TGIF1: variants seen among roughly 807,000 people sequenced by gnomAD.
TGIF1 encodes homeobox protein TGIF1.
A neutral mutation model predicts 19.3 loss-of-function variants in TGIF1; 4 were observed. The ratio of observed to expected loss-of-function variants is 0.21; its 90% CI spans 0.10 to 0.47. TGIF1 has a LOEUF of 0.47. Among genes scored for constraint, TGIF1 ranks in the 20% least tolerant of loss-of-function variants. TGIF1 has a pLI of 0.98. For synonymous variants in TGIF1, 122 were observed against 129.3 expected (o/e 0.94, Z 0.38); for missense variants, 275 against 341.4 (o/e 0.81, Z 1.53).
rs910102345 is a variant in TGIF1 at position 3,456,300 on chromosome 18, C to T, written c.17-54C>T. 6 of 1,516,258 alleles carry T rather than the reference C, an allele frequency of 4.0e-6. No individual in the cohort carries two copies. Among genetic ancestry groups the T allele is most frequent in the Middle Eastern group, 2.0e-4 (1 of 5,114 alleles). 93.9% of individuals were successfully genotyped at this position (1,516,258 alleles called of 1,614,324 possible). A position where few individuals can be genotyped will look rare whatever the true frequency, so the allele number is the denominator to read the frequency against. On this transcript the variant is annotated intron_variant, in intron 1 of 2. Coordinates refer to ENST00000343820, the MANE Select transcript of TGIF1 (RefSeq NM_003244.4). This position sits in a 1 kb window ranked among gnomAD's most constrained non-coding sequence, Gnocchi z 4.2. ...AATGGTCAGCGTTAAGTGAGCTTTG[C>T]AATAGTTGCTGTGCTTATAAAGCAA...
At chr18:3,443,410 CTT>C (rs764806240) in intron 2 of TGIF1, among the ~76,000 whole-genome samples, 4 of 145,426 alleles carry the variant, frequency 2.8e-5, no homozygotes, top group African/African-American at 2.5e-5. Context: ...GATAATAATA[CTT>C]TTTTTTTTTT....
intron 1 of TGIF1, chr18:3,452,100 T>G: frequency 6.2e-7 from 1 of 1,613,862 alleles, no homozygotes; most frequent in Non-Finnish European, 8.5e-7. Flanking sequence ...TCCCCAGTGC[T>G]CCTTTTCCAC....
intron 1 of TGIF1, 142 bp downstream of exon 1, chr18:3,450,647 G>A: frequency 2.7e-6 from 4 of 1,504,522 alleles, no homozygotes; most frequent in Non-Finnish European, 3.6e-6. Context: ...TCTTTGTTGA[G>A]GCTGCGTCTG....
chr18:3,451,456 T>C lies in TGIF1; in HGVS notation c.16+951T>C, dbSNP rs2143324352. 1.0e-6 allele frequency: 1 copy of C among 987,258 alleles called. No individual in the cohort carries two copies. The highest frequency in any genetic ancestry group is 1.2e-6 in the Non-Finnish European group (1 of 831,284). The allele number at this position is 987,258 out of a possible 1,614,324, so 61.2% of individuals were successfully genotyped here. The stretch of plus-strand genomic sequence containing the variant: ...CCTGGCTGGGAGGTCCCCCGAGTGT[T>C]CCGCTGTGGGCTGGAGGTGGCGTTT... On this transcript the variant is annotated intron_variant, in intron 1 of 2. Coordinates refer to ENST00000343820, the MANE Select transcript of TGIF1 (RefSeq NM_003244.4). The surrounding 1 kb of genome is among the most constrained non-coding windows in gnomAD (Gnocchi z 5.4).
In TGIF1 at chr18:3,451,631, G is replaced by A; in HGVS notation, c.16+1126G>A. The A allele has an allele frequency of 4.5e-6, 5 of 1,108,268 alleles. 1 individual carries two copies. In the South Asian group the frequency reaches 1.3e-4, roughly 28 times the overall value. 68.7% of individuals were successfully genotyped at this position (1,108,268 alleles called of 1,614,324 possible). A position where few individuals can be genotyped will look rare whatever the true frequency, so the allele number is the denominator to read the frequency against. On this transcript the variant is annotated intron_variant, in intron 1 of 2. Coordinates refer to ENST00000343820, the MANE Select transcript of TGIF1 (RefSeq NM_003244.4). The surrounding 1 kb of genome is among the most constrained non-coding windows in gnomAD (Gnocchi z 5.4). ...CCCGGCCCGCTGCGGGGCGTTCCTG[G>A]GGGGTAGCCTCAAGGCCAGCGGGGT...
chr18:3,452,093 C>G (rs17852935), intron 1 of TGIF1: 4 of 1,614,068 alleles, frequency 2.5e-6, no homozygotes, highest in Non-Finnish European at 3.4e-6. Flanking sequence ...CCGGGAATCC[C>G]CAGTGCTCCT....
chr18:3,432,123 C>CAAAAAAAAAAAAAAAAAAAAAAAAAAAAA (rs751364681), intron 2 of TGIF1, among the ~76,000 whole-genome samples: 1 of 98,028 alleles, frequency 1.0e-5, no homozygotes, highest in Non-Finnish European at 2.0e-5. Context: ...ACAAAACTGT[C>CAAAAAAAAAAAAAAAAAAAAAAAAAAAAA]AAAAAAAAAA....
chr18:3,427,208 T>C (rs937651072), intron 2 of TGIF1, among the ~76,000 whole-genome samples: 3 of 152,082 alleles, frequency 2.0e-5, no homozygotes, highest in Non-Finnish European at 4.4e-5. Context: ...CCTCTCAAAG[T>C]GCTGGGATTA....
At chr18:3,441,962 T>G (rs775317663) in intron 2 of TGIF1, among the ~76,000 whole-genome samples, 13 of 143,136 alleles carry the variant, frequency 9.1e-5, no homozygotes, top group Non-Finnish European at 1.5e-4. Context: ...TTTCCCCAGC[T>G]GCTGTGAGGT....
chr18:3,424,026 C>T (rs373669604), intron 2 of TGIF1, among the ~76,000 whole-genome samples: 12 of 152,290 alleles, frequency 7.9e-5, no homozygotes, highest in Middle Eastern at 3.4e-3. Context: ...GTGGCGCTTC[C>T]GCAGCCCTGG....
rs1362531739 is a variant in TGIF1 at position 3,457,331 on chromosome 18, A to G, written c.244-34A>G. On this transcript the variant is annotated intron_variant, in intron 2 of 2. Transcript: ENST00000343820. This position sits in a 1 kb window ranked among gnomAD's most constrained non-coding sequence, Gnocchi z 4.9. ...TCAGAACCCGTTGGCTGAGTGAATG[A>G]GGAAAATGTTAAAGCGTACCGATAT... 1.2e-6 allele frequency: 2 copies of G among 1,610,938 alleles called. No homozygotes were observed. Among genetic ancestry groups the G allele is most frequent in the Non-Finnish European group, 1.7e-6 (2 of 1,177,670 alleles).
upstream of TGIF1, chr18:3,448,717 C>CTTTTTTTTTTTTTTTTTTTTTTTTTT (rs869086299): frequency 1.6e-5 from 4 of 244,906 alleles, no homozygotes; most frequent in African/African-American, 1.7e-4. Flanking sequence ...GCGGGGGTGT[C>CTTTTTTTTTTTTTTTTTTTTTTTTTT]TTTTTTTTTT....
At chr18:3,443,679 T>C (rs1246225927) in intron 2 of TGIF1, among the ~76,000 whole-genome samples, 4 of 151,720 alleles carry the variant, frequency 2.6e-5, no homozygotes, top group Non-Finnish European at 5.9e-5. Context: ...AAGTGAATTC[T>C]CGTGCCTCAC....
chr18:3,419,585 C>T (rs2082374664), intron 2 of TGIF1, among the ~76,000 whole-genome samples: 1 of 152,170 alleles, frequency 6.6e-6, no homozygotes, highest in Admixed American at 6.5e-5. Context: ...TGTTGATCTT[C>T]TTTATTGATA....
In TGIF1 at chr18:3,459,453, C is replaced by T. The variant is rs2049457512; in HGVS notation, c.*1513C>T. ...CTGTGGGGTGCAGCTTCGTAGGGCA[C>T]ATCAGCTTAGAATGGTCTGGCCTCA... On this transcript the variant is annotated 3_prime_UTR_variant, in exon 3 of 3. Coordinates refer to ENST00000343820, the MANE Select transcript of TGIF1 (RefSeq NM_003244.4). The T allele has an allele frequency of 6.6e-6, 1 of 152,100 alleles. No individual in the cohort carries two copies. Among genetic ancestry groups the T allele is most frequent in the Admixed American group, 6.6e-5 (1 of 15,264 alleles). The allele number at this position is 152,100 out of a possible 1,614,324, so 9.4% of individuals were successfully genotyped here.
chr18:3,452,512 T>A lies in TGIF1; in HGVS notation c.16+2007T>A, dbSNP rs2083005042. The A allele has an allele frequency of 3.6e-6, 5 of 1,382,722 alleles. No individual in the cohort carries two copies. The Admixed American group carries it at 6.0e-5, about 16-fold the overall frequency. 85.7% of individuals were successfully genotyped at this position (1,382,722 alleles called of 1,614,324 possible). ...GAGTCGTCTGGGGTGGGCAGGCCTC[T>A]GAGAAGGTGGGATTCACGGCCTCAT... On this transcript the variant is annotated intron_variant, in intron 1 of 2. Coordinates refer to ENST00000343820, the MANE Select transcript of TGIF1 (RefSeq NM_003244.4).
chr18:3,422,673 C>CTTTTTTGTTTTTTTTT (rs1481496826), intron 2 of TGIF1, among the ~76,000 whole-genome samples: 3 of 24,660 alleles, frequency 1.2e-4, no homozygotes, highest in Admixed American at 5.5e-4. Flanking sequence ...TATAGGTGGC[C>CTTTTTTGTTTTTTTTT]TTTTTTTTTT....
In TGIF1 at chr18:3,450,323, A is replaced by G. The variant is rs2082864344; in HGVS notation, c.-167A>G. 6.9e-7 allele frequency: 1 copy of G among 1,456,128 alleles called. No homozygotes were observed. The highest frequency in any genetic ancestry group is 9.1e-7 in the Non-Finnish European group (1 of 1,102,428). 90.2% of individuals were successfully genotyped at this position (1,456,128 alleles called of 1,614,324 possible). A position where few individuals can be genotyped will look rare whatever the true frequency, so the allele number is the denominator to read the frequency against. On this transcript the variant is annotated 5_prime_UTR_variant, in exon 1 of 3. Coordinates refer to ENST00000343820, the MANE Select transcript of TGIF1 (RefSeq NM_003244.4). ...AGTGTCACTTGAATTCCACCCAAGG[A>G]GCGGGCGCCTGGGATCAGAGCGTCC...
upstream of TGIF1, chr18:3,448,448 G>A (rs1323782090): frequency 2.0e-6 from 2 of 992,590 alleles, no homozygotes; most frequent in Non-Finnish European, 2.4e-6. Flanking sequence ...CTGCAGCCAG[G>A]TCCGGGAAGG....
Sources: allele counts gnomAD v4.1 joint callset (sites outside exome capture counted in the v4.1 genomes callset), GRCh38; gene constraint gnomAD v4.1.1; non-coding constraint Gnocchi (gnomAD v3.1); transcripts MANE v1.5; gene names NCBI Gene and HGNC (gene_info 2026-07-23, HGNC 2026-07-21).